DACH2: variants seen among roughly 807,000 people sequenced by gnomAD.
DACH2 encodes dachshund homolog 2.
DACH2 carries 17 observed loss-of-function variants against 35.8 expected under a neutral mutation model. That is an observed-to-expected ratio of 0.48 (90% CI 0.33 to 0.71). DACH2 has a LOEUF of 0.71. DACH2 is among the 30% of genes least tolerant of loss of function. The pLI, the probability that DACH2 is intolerant of heterozygous loss-of-function variation, is 0.02. For synonymous variants in DACH2, 195 were observed against 177.3 expected (o/e 1.10, Z -0.79); for missense variants, 469 against 472.7 (o/e 0.99, Z 0.07).
intron 1 of DACH2, among the ~76,000 whole-genome samples, chrX:86,344,555 A>G (rs1164979814): frequency 1.8e-5 from 2 of 110,736 alleles, no homozygotes; most frequent in African/African-American, 6.5e-5. Context: ...TTTTAGTTTT[A>G]TGTTCTTACT....
At chrX:86,213,761 C>T (rs1399511177) in intron 1 of DACH2, among the ~76,000 whole-genome samples, 1 of 110,807 alleles carries the variant, frequency 9.0e-6, no homozygotes, top group African/African-American at 3.3e-5. Context: ...CCACAAACTT[C>T]AGAAACAATA....
chrX:86,795,080 G>A (rs150765942), intron 7 of DACH2, among the ~76,000 whole-genome samples: 183 of 111,181 alleles, frequency 1.6e-3, no homozygotes, highest in African/African-American at 5.5e-3. Context: ...CTGGAAAAAT[G>A]TCTAATGGGA....
intron 3 of DACH2, among the ~76,000 whole-genome samples, chrX:86,522,491 G>A (rs1348533511): frequency 9.0e-6 from 1 of 111,333 alleles, no homozygotes; most frequent in Admixed American, 9.6e-5. Context: ...TAGATTTAGA[G>A]CTATATATGC....
intron 1 of DACH2, among the ~76,000 whole-genome samples, chrX:86,190,904 A>G (rs972978951): frequency 1.7e-4 from 19 of 111,774 alleles, no homozygotes; most frequent in African/African-American, 6.2e-4. Context: ...AGATTGCACC[A>G]TTGCACTCCA....
intron 3 of DACH2, among the ~76,000 whole-genome samples, chrX:86,598,788 G>GTTTTC (rs2148356207): frequency 1.0e-5 from 1 of 97,594 alleles, no homozygotes; most frequent in Admixed American, 1.1e-4. Flanking sequence ...GAGCTTCTTA[G>GTTTTC]TTTTCTTTTC....
intron 3 of DACH2, among the ~76,000 whole-genome samples, chrX:86,622,380 C>T (rs185315839): frequency 9.0e-6 from 1 of 111,432 alleles, no homozygotes; most frequent in African/African-American, 3.3e-5. Context: ...GGAAGTCAAT[C>T]TTCAATTTTT....
chrX:86,660,632 C>G (rs945471423), intron 4 of DACH2, among the ~76,000 whole-genome samples: 9 of 111,278 alleles, frequency 8.1e-5, no homozygotes, highest in Non-Finnish European at 1.5e-4. Flanking sequence ...AAGAAGTATT[C>G]CTTCATGAAT....
intron 3 of DACH2, among the ~76,000 whole-genome samples, chrX:86,613,795 A>G (rs1462426895): frequency 8.9e-6 from 1 of 111,767 alleles, no homozygotes; most frequent in Non-Finnish European, 1.9e-5. Context: ...TTCAGGATCT[A>G]TGGCATAAGT....
intron 2 of DACH2, among the ~76,000 whole-genome samples, chrX:86,442,823 C>T (rs1346054566): frequency 9.2e-6 from 1 of 108,883 alleles, no homozygotes; most frequent in Non-Finnish European, 1.9e-5. Context: ...ATTTCTCCAT[C>T]GTGTGTCCTT....
chrX:86,425,096 T>C (rs775730337), intron 2 of DACH2, among the ~76,000 whole-genome samples: 9 of 111,097 alleles, frequency 8.1e-5, no homozygotes, highest in Non-Finnish European at 1.5e-4. Flanking sequence ...TTTAGGATTT[T>C]TGCATCACGA....
At chrX:86,505,900 A>G (rs78136736) in intron 2 of DACH2, among the ~76,000 whole-genome samples, 7 of 112,042 alleles carry the variant, frequency 6.2e-5, no homozygotes, top group Admixed American at 9.5e-5. Flanking sequence ...ATAATGATCA[A>G]ATTCATAGAT....
At chrX:86,411,988 A>G (rs2036622422) in intron 2 of DACH2, among the ~76,000 whole-genome samples, 1 of 111,302 alleles carries the variant, frequency 9.0e-6, no homozygotes, top group South Asian at 3.8e-4. Context: ...ATACCAAGAG[A>G]CACCTAATGG....
At chrX:86,822,020 C>T (rs1020049599) in intron 11 of DACH2, among the ~76,000 whole-genome samples, 1 of 111,199 alleles carries the variant, frequency 9.0e-6, no homozygotes, top group African/African-American at 3.3e-5. Context: ...TTACTTTATG[C>T]CCCATCCTGT....
chrX:86,245,116 T>G (rs999691777), intron 1 of DACH2, among the ~76,000 whole-genome samples: 7 of 112,037 alleles, frequency 6.2e-5, no homozygotes, highest in African/African-American at 2.3e-4. Flanking sequence ...ACAAATTGTT[T>G]TTATAGCTAT....
chrX:86,734,442 T>C (rs1825198404), intron 6 of DACH2, among the ~76,000 whole-genome samples: 1 of 111,193 alleles, frequency 9.0e-6, no homozygotes, highest in African/African-American at 3.3e-5. Context: ...GGTAAGAGTA[T>C]TGCGGATTCA....
chrX:86,493,440 A>C (rs1216462868), intron 2 of DACH2, among the ~76,000 whole-genome samples: 2 of 111,654 alleles, frequency 1.8e-5, no homozygotes, highest in African/African-American at 6.5e-5. Flanking sequence ...TCAGTAAACT[A>C]TACCAATTTA....
chrX:86,470,544 A>G (rs1209439391), intron 2 of DACH2, among the ~76,000 whole-genome samples: 1 of 111,797 alleles, frequency 8.9e-6, no homozygotes, highest in Non-Finnish European at 1.9e-5. Flanking sequence ...GAAAATTAAT[A>G]CAATATGGAA....
At chrX:86,647,298 A>T (rs986760508) in intron 3 of DACH2, among the ~76,000 whole-genome samples, 6 of 111,147 alleles carry the variant, frequency 5.4e-5, no homozygotes, top group African/African-American at 1.9e-4. Context: ...GAATGGATTT[A>T]AAAAACCTGG....
chrX:86,255,970 C>T (rs68127935), intron 1 of DACH2, among the ~76,000 whole-genome samples: 8,062 of 110,627 alleles, frequency 0.073, 743 homozygotes, highest in African/African-American at 0.25. Context: ...AAGAACCTGC[C>T]CAAACCCCCA....
Sources: allele counts gnomAD v4.1 joint callset (sites outside exome capture counted in the v4.1 genomes callset), GRCh38; gene constraint gnomAD v4.1.1; transcripts MANE v1.5; gene names NCBI Gene and HGNC (gene_info 2026-07-23, HGNC 2026-07-21).